Variants in CAPZB observed in about 807,000 individuals in gnomAD.
The protein encoded by CAPZB is F-actin-capping protein subunit beta.
CAPZB carries 2 observed loss-of-function variants against 38.1 expected under a neutral mutation model. The observed-to-expected ratio is 0.05, with a 90% confidence interval of 0.02 to 0.17. The LOEUF is 0.17. Ranked by LOEUF, CAPZB falls within the 10% of genes least tolerant of loss-of-function variation. The probability of loss-of-function intolerance (pLI) is 1.00; values close to 1 mark genes in which losing one functional copy is unlikely to be tolerated. For synonymous variants in CAPZB, 107 were observed against 127.4 expected, an observed-to-expected ratio of 0.84 and a Z score of 1.08; for missense variants, 161 against 334.2, an observed-to-expected ratio of 0.48 and a Z score of 4.04.
chr1:19,368,550 TG>T (rs1271627221), intron 4 of CAPZB, among the ~76,000 whole-genome samples: 1 of 147,894 alleles, frequency 6.8e-6, no homozygotes, highest in Non-Finnish European at 1.5e-5. Flanking sequence ...AGGAACCCGC[TG>T]GGTGACCAGG....
chr1:19,378,398 T>C, intron 4 of CAPZB, 142 bp downstream of exon 4: 1 of 634,340 alleles, frequency 1.6e-6, no homozygotes, highest in Non-Finnish European at 2.9e-6. Flanking sequence ...AGGTAACAGA[T>C]TCAAGGGAGA....
At chr1:19,475,290 G>C (rs2094603005) in intron 1 of CAPZB, among the ~76,000 whole-genome samples, 2 of 152,290 alleles carry the variant, frequency 1.3e-5, no homozygotes, top group African/African-American at 4.8e-5. Context: ...TATACATCTT[G>C]GACCTGAAGC....
At chr1:19,378,141 C>T (rs772962684) in intron 4 of CAPZB, among the ~76,000 whole-genome samples, 81 of 152,208 alleles carry the variant, frequency 5.3e-4, no homozygotes, top group African/African-American at 1.9e-3. Flanking sequence ...ATCTGAGAAA[C>T]GAGGACTAAA....
chr1:19,407,596 C>T (rs561471596), intron 2 of CAPZB, among the ~76,000 whole-genome samples: 9 of 152,226 alleles, frequency 5.9e-5, no homozygotes, highest in Admixed American at 3.3e-4. Flanking sequence ...ACCCAGGTTT[C>T]ACAGGTGACC....
intron 1 of CAPZB, among the ~76,000 whole-genome samples, chr1:19,479,631 C>T (rs546351806): frequency 6.6e-6 from 1 of 152,204 alleles, no homozygotes; most frequent in East Asian, 1.9e-4. Context: ...CACAGCTGCA[C>T]AGTGGCCAGG....
chr1:19,353,615 G>A (rs1187441893), intron 6 of CAPZB, among the ~76,000 whole-genome samples: 1 of 152,082 alleles, frequency 6.6e-6, no homozygotes, highest in African/African-American at 2.4e-5. Flanking sequence ...CTTGATGACT[G>A]TAACAGCTTC....
At chr1:19,450,144 C>CAAAAAAAAA (rs71008167) in intron 1 of CAPZB, among the ~76,000 whole-genome samples, 4 of 35,444 alleles carry the variant, frequency 1.1e-4, no homozygotes, top group African/African-American at 2.4e-4. Flanking sequence ...ACCCTGTCTC[C>CAAAAAAAAA]AAAAAAAAAA....
intron 4 of CAPZB, among the ~76,000 whole-genome samples, chr1:19,364,066 G>A (rs1223624469): frequency 6.6e-6 from 1 of 152,232 alleles, no homozygotes; most frequent in Non-Finnish European, 1.5e-5. Context: ...TGACGCTGAG[G>A]CACAGGCAGC....
Position 19,356,250 on chromosome 1 carries a change from C to A in CAPZB, c.588+385G>T, listed in dbSNP as rs1327443217. ...GGCAGCAAGGTGCAGACACTCTGAGCTCAGGTAAGCTGCTCCCAGAGAGCT... is the reference window on the plus strand; with the variant it reads ...GGCAGCAAGGTGCAGACACTCTGAGATCAGGTAAGCTGCTCCCAGAGAGCT... On this transcript the variant is annotated intron_variant, in intron 6 of 8. Transcript: ENST00000264202. The surrounding 1 kb of genome is among the most constrained non-coding windows in gnomAD (Gnocchi z 4.3). Among the ~76,000 whole-genome samples, 2 of 152,198 alleles carry A rather than the reference C, an allele frequency of 1.3e-5. No homozygotes were observed. The highest frequency in any genetic ancestry group is 4.8e-5 in the African/African-American group (2 of 41,460).
Position 19,339,532 on chromosome 1 carries a change from A to G in CAPZB, c.817T>C (p.Ter273GlnextTer6). Residue 273 changes from the stop codon to glutamine (Q), a stop_lost, in exon 9 of 9, where the codon TAA becomes CAA. Coordinates refer to ENST00000264202, the MANE Select transcript of CAPZB (RefSeq NM_004930.5). ...VEALKRKQQC[*>Q] ...TCTGGTTAGCATGAAACAGAGGTTT[A>G]GCATTGCTGCTTTCTCTTCAAAGCC... 6.2e-7 allele frequency: 1 copy of G among 1,609,912 alleles called. No homozygotes were observed. Among genetic ancestry groups the G allele is most frequent in the Non-Finnish European group, 8.5e-7 (1 of 1,176,052 alleles).
intron 2 of CAPZB, among the ~76,000 whole-genome samples, chr1:19,416,732 C>T (rs2094380868): frequency 6.6e-6 from 1 of 151,602 alleles, no homozygotes; most frequent in Non-Finnish European, 1.5e-5. Context: ...TGGTGGTGGG[C>T]GCCTGTTGTC....
chr1:19,349,017 G>A (rs767879119), intron 6 of CAPZB, among the ~76,000 whole-genome samples: 2 of 152,114 alleles, frequency 1.3e-5, no homozygotes, highest in African/African-American at 2.4e-5. Context: ...TAGTGAGAGT[G>A]CCCATGAGCT....
chr1:19,458,047 A>G (rs1268414419), intron 1 of CAPZB, among the ~76,000 whole-genome samples: 1 of 151,342 alleles, frequency 6.6e-6, no homozygotes, highest in African/African-American at 2.4e-5. Context: ...TATGTAGCCT[A>G]TGACCACAAC....
At chr1:19,378,456 C>A (rs1463322544) in intron 4 of CAPZB, 84 bp downstream of exon 4, 4 of 800,726 alleles carry the variant, frequency 5.0e-6, no homozygotes, top group Non-Finnish European at 6.7e-6. Flanking sequence ...GGCCAGGTAA[C>A]AGATTCCAGA....
At chr1:19,350,688 C>T (rs2093986874) in intron 6 of CAPZB, among the ~76,000 whole-genome samples, 3 of 152,130 alleles carry the variant, frequency 2.0e-5, no homozygotes, top group Non-Finnish European at 4.4e-5. Context: ...CACCACGGCT[C>T]ACTGCAACCT....
In CAPZB at chr1:19,416,860, C is replaced by CAAAAAAAAAAAAAA. The variant is rs59789230; in HGVS notation, c.93+2787_93+2800dup. Reference sequence around the variant, plus strand: ...TGGGTGACAGAGCAAGACCCTGTCTCAAAAAAAAAAAAAAAAAAAAAAAAA... The same window carrying CAAAAAAAAAAAAAA: ...TGGGTGACAGAGCAAGACCCTGTCTCAAAAAAAAAAAAAAAAAAAAAAAAAAAAAAAAAAAAAAA... On this transcript the variant is annotated intron_variant, in intron 2 of 8. Transcript: ENST00000264202. 8.4e-4 allele frequency among the ~76,000 whole-genome samples: 58 copies of CAAAAAAAAAAAAAA among 69,440 alleles called. 4 individuals carry two copies. Among genetic ancestry groups the CAAAAAAAAAAAAAA allele is most frequent in the African/African-American group, 3.2e-3 (54 of 16,802 alleles). The allele number at this position is 69,440 out of a possible 152,430, so 45.6% of individuals were successfully genotyped here. A position where few individuals can be genotyped will look rare whatever the true frequency, so the allele number is the denominator to read the frequency against.
intron 4 of CAPZB, among the ~76,000 whole-genome samples, chr1:19,364,577 TCTC>T (rs1268184276): frequency 6.6e-6 from 1 of 152,218 alleles, no homozygotes; most frequent in Non-Finnish European, 1.5e-5. Context: ...TTTCTGGCCT[TCTC>T]CTCCTTGTAA....
chr1:19,404,295 G>A (rs1008981005), intron 2 of CAPZB, among the ~76,000 whole-genome samples: 6 of 146,208 alleles, frequency 4.1e-5, no homozygotes, highest in Admixed American at 1.4e-4. Context: ...TGTAATCTCA[G>A]CACTTTGGGA....
chr1:19,376,371 T>A (rs753210458), intron 4 of CAPZB, among the ~76,000 whole-genome samples: 1 of 152,194 alleles, frequency 6.6e-6, no homozygotes, highest in Admixed American at 6.5e-5. Context: ...TCCTGGAGTA[T>A]CCTGAGATGG....
Sources: allele counts gnomAD v4.1 joint callset (sites outside exome capture counted in the v4.1 genomes callset), GRCh38; gene constraint gnomAD v4.1.1; non-coding constraint Gnocchi (gnomAD v3.1); transcripts MANE v1.5; gene names NCBI Gene and HGNC (gene_info 2026-07-23, HGNC 2026-07-21).